Variants in UGT1A5 observed in about 807,000 individuals in gnomAD.
UGT1A5 encodes UDP glucuronosyltransferase family 1 member A5.
In UGT1A5, 29 loss-of-function variants were observed where a neutral mutation model predicts 40.3. The ratio of observed to expected loss-of-function variants is 0.72; its 90% CI spans 0.54 to 0.98. The LOEUF (loss-of-function observed/expected upper bound fraction) is 0.98. Among genes scored for constraint, UGT1A5 ranks in the 50% least tolerant of loss-of-function variants. The pLI, the probability that UGT1A5 is intolerant of heterozygous loss-of-function variation, is 0.00. For missense variants in UGT1A5, 678 were observed against 677.9 expected (o/e 1.00, Z 0.00); for synonymous variants, 257 against 262.5 (o/e 0.98, Z 0.20).
At position 233,712,976 on chromosome 2, in the gene UGT1A5, G is replaced by A. The variant is rs750445799; in HGVS notation, c.-16G>A. 18 of 1,612,962 alleles carry A rather than the reference G, an allele frequency of 1.1e-5. No individual in the cohort carries two copies. Among genetic ancestry groups the A allele is most frequent in the African/African-American group, 6.7e-5 (5 of 74,900 alleles). On this transcript the variant is annotated 5_prime_UTR_variant, in exon 1 of 5. Coordinates refer to ENST00000373414, the MANE Select transcript of UGT1A5 (RefSeq NM_019078.2). The stretch of plus-strand genomic sequence containing the variant: ...AACGTGGGGTGGACAGTCAGCTGTC[G>A]GTGGCTTCTGCTGAGATGGCCACAG...
At chr2:233,742,015 A>G (rs1575645503) in intron 1 of UGT1A5, 3 of 151,866 alleles carry the variant, frequency 2.0e-5, no homozygotes, top group African/African-American at 4.9e-5. Context: ...GCTTTCATCA[A>G]CCTAATTTGA....
chr2:233,748,071 C>G (rs1693854159), intron 1 of UGT1A5: 1 of 1,613,254 alleles, frequency 6.2e-7, no homozygotes, highest in Non-Finnish European at 8.5e-7. Flanking sequence ...CAGGAAGCCA[C>G]TATCTCAGGT....
At chr2:233,743,731 G>C (rs373030535) in intron 1 of UGT1A5, 1 of 1,367,360 alleles carries the variant, frequency 7.3e-7, no homozygotes, top group East Asian at 4.5e-5. Flanking sequence ...CATAGATATC[G>C]CGTTTCTTGG....
In UGT1A5 at chr2:233,768,134, C is replaced by T. The variant is rs558476019; in HGVS notation, c.1088-86C>T. The T allele has an allele frequency of 1.1e-4, 173 of 1,608,048 alleles. No homozygotes were observed. The African/African-American group carries it at 2.2e-3, about 21-fold the overall frequency. Reference sequence around the variant, plus strand: ...CAAGGGCATGTGAGTAACACTGAGTCTTTGGAGTGTTTTCAGAACCTAGAT... The same window carrying T: ...CAAGGGCATGTGAGTAACACTGAGTTTTTGGAGTGTTTTCAGAACCTAGAT... On this transcript the variant is annotated intron_variant, in intron 3 of 4. Transcript: ENST00000373414.
At chr2:233,718,777 C>T (rs1347368179) in intron 1 of UGT1A5, 10 of 1,612,914 alleles carry the variant, frequency 6.2e-6, no homozygotes, top group Non-Finnish European at 8.5e-6. Context: ...ATGTAGCAGG[C>T]ACAGCGTGGG....
At chr2:233,760,854 A>G (rs1484529222) in intron 1 of UGT1A5, 1 of 1,613,796 alleles carries the variant, frequency 6.2e-7, no homozygotes, top group Non-Finnish European at 8.5e-7. Context: ...GCCCCAACCC[A>G]TTCTCCTACG....
At chr2:233,743,741 G>A (rs374389189) in intron 1 of UGT1A5, 31 of 1,367,230 alleles carry the variant, frequency 2.3e-5, no homozygotes, top group Admixed American at 3.8e-5. Flanking sequence ...GCGTTTCTTG[G>A]CGTCCGACAA....
chr2:233,755,330 C>G (rs1695864854), intron 1 of UGT1A5: 1 of 463,614 alleles, frequency 2.2e-6, no homozygotes, highest in Non-Finnish European at 3.7e-6. Context: ...TGCCAGCACC[C>G]GCGCACAGGT....
At chr2:233,753,907 C>G (rs1487385981) in intron 1 of UGT1A5, among the ~76,000 whole-genome samples, 1 of 152,188 alleles carries the variant, frequency 6.6e-6, no homozygotes, top group South Asian at 2.1e-4. Context: ...GCTTCTTACA[C>G]CGATTTCAGC....
intron 1 of UGT1A5, chr2:233,744,073 C>T (rs1340911345): frequency 3.6e-5 from 17 of 475,584 alleles, no homozygotes; most frequent in South Asian, 1.4e-4. Flanking sequence ...ATGAGCGCCT[C>T]GCATCCCAAG....
chr2:233,721,721 C>T (rs2076966179), intron 1 of UGT1A5: 1 of 393,114 alleles, frequency 2.5e-6, no homozygotes. Flanking sequence ...GCTTTGTTTA[C>T]TTGGATAAGC....
chr2:233,717,899 T>G, intron 1 of UGT1A5: 1 of 454,812 alleles, frequency 2.2e-6, no homozygotes, highest in Non-Finnish European at 4.4e-6. Flanking sequence ...ATCTTCAGGA[T>G]GAAATAAAGG....
intron 1 of UGT1A5, among the ~76,000 whole-genome samples, chr2:233,761,736 C>T (rs111883427): frequency 6.5e-4 from 99 of 152,322 alleles, no homozygotes; most frequent in African/African-American, 2.3e-3. Flanking sequence ...TATTTTTCCC[C>T]TACAGAGTTT....
chr2:233,754,914 A>T, intron 1 of UGT1A5: 1 of 1,353,596 alleles, frequency 7.4e-7, no homozygotes. Flanking sequence ...AATATTCTCC[A>T]GCGGGTTTCC....
chr2:233,768,401 T>C lies in UGT1A5; in HGVS notation c.1269T>C (p.Asp423=), dbSNP rs767318575. The change falls in exon 4 of 5, where the codon GAT becomes GAC. Residue 423 remains aspartate (D), a synonymous_variant. Coordinates refer to ENST00000373414, the MANE Select transcript of UGT1A5 (RefSeq NM_019078.2). ...TLNVLEMTSE[D]LENALKAVIN... is the part of the protein sequence containing the mutation. The stretch of plus-strand genomic sequence containing the variant: ...ATGTTCTGGAAATGACTTCTGAAGA[T>C]TTAGAAAATGCTCTAAAAGCAGTCA... 1 of 1,614,148 alleles carries C rather than the reference T, an allele frequency of 6.2e-7. No homozygotes were observed. The highest frequency in any genetic ancestry group is 1.3e-5 in the African/African-American group (1 of 75,034).
chr2:233,754,969 T>A, intron 1 of UGT1A5: 6 of 1,302,646 alleles, frequency 4.6e-6, no homozygotes, highest in Non-Finnish European at 6.2e-6. Context: ...AAGAACTCCC[T>A]GAAGACCTCG....
chr2:233,749,588 C>G (rs932170958), intron 1 of UGT1A5, among the ~76,000 whole-genome samples: 1 of 151,804 alleles, frequency 6.6e-6, no homozygotes, highest in African/African-American at 2.4e-5. Context: ...TCTGTCTCAA[C>G]ATGAAGTCAC....
At chr2:233,732,618 A>G (rs2078289754) in intron 1 of UGT1A5, among the ~76,000 whole-genome samples, 1 of 152,068 alleles carries the variant, frequency 6.6e-6, no homozygotes, top group Non-Finnish European at 1.5e-5. Flanking sequence ...ATGGTTGTAG[A>G]TGTGTGGTGT....
chr2:233,762,815 T>C (rs1334118608), intron 1 of UGT1A5, among the ~76,000 whole-genome samples: 4 of 152,182 alleles, frequency 2.6e-5, no homozygotes, highest in Non-Finnish European at 5.9e-5. Flanking sequence ...ATCAAAATAT[T>C]GATTTTCATA....
Sources: allele counts gnomAD v4.1 joint callset (sites outside exome capture counted in the v4.1 genomes callset), GRCh38; gene constraint gnomAD v4.1.1; transcripts MANE v1.5; gene names NCBI Gene and HGNC (gene_info 2026-07-23, HGNC 2026-07-21).